GTF3C1: variants seen among roughly 807,000 people sequenced by gnomAD.
GTF3C1 encodes general transcription factor IIIC subunit 1.
A neutral mutation model predicts 226.7 loss-of-function variants in GTF3C1; 57 were observed. The ratio of observed to expected loss-of-function variants is 0.25; its 90% CI spans 0.20 to 0.31. GTF3C1 has a LOEUF of 0.31. GTF3C1 is among the 10% of genes least tolerant of loss of function. The probability of loss-of-function intolerance (pLI) is 1.00; values close to 1 mark genes in which losing one functional copy is unlikely to be tolerated. For missense variants in GTF3C1, 2,217 were observed against 2,776.1 expected, an observed-to-expected ratio of 0.80 and a Z score of 4.53; for synonymous variants, 1,090 against 1,084.8, an observed-to-expected ratio of 1.00 and a Z score of -0.09.
chr16:27,476,357 G>T (rs907337730), intron 29 of GTF3C1, 94 bp downstream of exon 29: 1 of 742,256 alleles, frequency 1.3e-6, no homozygotes. Context: ...CAGCCCAAGA[G>T]CCCACAGCGG....
At chr16:27,500,661 C>T (rs1032199258) in intron 12 of GTF3C1, among the ~76,000 whole-genome samples, 15 of 152,178 alleles carry the variant, frequency 9.9e-5, no homozygotes, top group Non-Finnish European at 1.5e-4. Context: ...TTAGAATGTC[C>T]GTGAAGCTGC....
chr16:27,474,591 TTTG>T (rs2087925812), intron 29 of GTF3C1, among the ~76,000 whole-genome samples: 1 of 152,166 alleles, frequency 6.6e-6, no homozygotes, highest in East Asian at 1.9e-4. Flanking sequence ...AAAAAAAAAT[TTTG>T]TTTTTTCCTT....
chr16:27,461,333 G>C lies in GTF3C1; in HGVS notation c.*17C>G. The stretch of plus-strand genomic sequence containing the variant: ...TGGCAGGCGGTGGCTGGGAGGGAGG[G>C]GACGCCCACAGGGGTCCTAGAGGTG... On this transcript the variant is annotated 3_prime_UTR_variant, in exon 37 of 37. Transcript: ENST00000356183. This position sits in a 1 kb window ranked among gnomAD's most constrained non-coding sequence, Gnocchi z 5.3. The C allele has an allele frequency of 2.0e-6, 3 of 1,537,242 alleles. No individual in the cohort carries two copies. Among genetic ancestry groups the C allele is most frequent in the Non-Finnish European group, 2.7e-6 (3 of 1,116,870 alleles).
chr16:27,487,203 T>C (rs1567393000), intron 23 of GTF3C1, among the ~76,000 whole-genome samples: 1 of 152,226 alleles, frequency 6.6e-6, no homozygotes, highest in African/African-American at 2.4e-5. Flanking sequence ...CTTACACATA[T>C]CTACGACAGG....
Position 27,470,158 on chromosome 16 carries a change from C to G in GTF3C1, c.4764G>C (p.Glu1588Asp). ...GLISVDVRIP[E>D]QIIVVDSSMV... ...TTGAGCTGTCTACCACGATGATCTG[C>G]TCCGGGATCCTGACATCCACAGAAA... Residue 1588 changes from glutamate (E) to aspartate (D), a missense_variant, in exon 31 of 37, where the codon GAG becomes GAC. Transcript: ENST00000356183. This position sits in a 1 kb window ranked among gnomAD's most constrained non-coding sequence, Gnocchi z 4.9. 1 of 1,614,064 alleles carries G rather than the reference C, an allele frequency of 6.2e-7. No homozygotes were observed. Among genetic ancestry groups the G allele is most frequent in the Non-Finnish European group, 8.5e-7 (1 of 1,179,912 alleles).
intron 11 of GTF3C1, among the ~76,000 whole-genome samples, chr16:27,502,103 A>AG (rs2088414229): frequency 6.7e-6 from 1 of 149,970 alleles, no homozygotes; most frequent in African/African-American, 2.5e-5. Flanking sequence ...CAAAAAAAAA[A>AG]AAAGAAAAGA....
At chr16:27,538,021 C>A (rs1266583041) in intron 3 of GTF3C1, 94 bp from the exon 4 acceptor site, 3 of 1,420,890 alleles carry the variant, frequency 2.1e-6, no homozygotes, top group Non-Finnish European at 2.9e-6. Context: ...GAGACACAAA[C>A]CTCCTGTCCA....
chr16:27,461,869 T>G lies in GTF3C1; in HGVS notation c.6118-307A>C, dbSNP rs2087710763. On this transcript the variant is annotated intron_variant, in intron 36 of 36. Transcript: ENST00000356183. This position sits in a 1 kb window ranked among gnomAD's most constrained non-coding sequence, Gnocchi z 5.3. ...CAGCTTCCTGTGAGCCAAGACTGGC[T>G]TCCAGGTGGGGTTTTGTTTGGCTCA... is the stretch of plus-strand genomic sequence containing the variant. 3 of 418,766 alleles carry G rather than the reference T, an allele frequency of 7.2e-6. No homozygotes were observed. In the South Asian group the frequency reaches 1.2e-4, roughly 17 times the overall value. The allele number at this position is 418,766 out of a possible 1,614,324, so 25.9% of individuals were successfully genotyped here. A position where few individuals can be genotyped will look rare whatever the true frequency, so the allele number is the denominator to read the frequency against.
rs748414532 is a variant in GTF3C1 at position 27,471,820 on chromosome 16, G to A, written c.4454C>T (p.Thr1485Met). 26 of 1,613,962 alleles carry A rather than the reference G, an allele frequency of 1.6e-5. No homozygotes were observed. In the Admixed American group the frequency reaches 3.5e-4, roughly 22 times the overall value. ...GGCCCGGTTCTTCTTGGGGCCCAGC[G>A]TGTGGTTGACCCGGCGCCGGTTGAC... ...SLVNRRRVNHTLGPKKNRALP... is the reference protein window; with the variant it reads ...SLVNRRRVNHMLGPKKNRALP... The change falls in exon 30 of 37, where the codon ACG becomes ATG. Residue 1485 changes from threonine (T) to methionine (M), a missense_variant. Physicochemically the swap from Thr to Met is moderately conservative, Grantham distance 81. This residue lies in a region of GTF3C1 where 546 missense variants were observed against 663.0 expected (regional missense o/e 0.82). Coordinates refer to ENST00000356183, the MANE Select transcript of GTF3C1 (RefSeq NM_001520.4). The surrounding 1 kb of genome is among the most constrained non-coding windows in gnomAD (Gnocchi z 5.0).
Position 27,488,434 on chromosome 16 carries a change from G to A in GTF3C1, c.3512-19C>T. On this transcript the variant is annotated intron_variant, in intron 22 of 36. Coordinates refer to ENST00000356183, the MANE Select transcript of GTF3C1 (RefSeq NM_001520.4). ...CTGTTGCCTAGACATAATCACAGGA[G>A]ACAACAGTTTCAGGACGAGTGCTGC... is the stretch of plus-strand genomic sequence containing the variant. The A allele has an allele frequency of 3.1e-6, 5 of 1,597,748 alleles. No homozygotes were observed. The highest frequency in any genetic ancestry group is 4.3e-6 in the Non-Finnish European group (5 of 1,165,414).
chr16:27,511,218 G>C (rs1431472476), intron 7 of GTF3C1, among the ~76,000 whole-genome samples: 1 of 152,214 alleles, frequency 6.6e-6, no homozygotes, highest in Non-Finnish European at 1.5e-5. Context: ...GGCCCAGACA[G>C]AACAAGAAGC....
intron 9 of GTF3C1, 150 bp downstream of exon 9, chr16:27,506,697 A>T (rs2088490328): frequency 1.7e-6 from 1 of 596,692 alleles, no homozygotes. Context: ...CTCCAAACCC[A>T]TGATGATGTG....
At chr16:27,480,931 T>C (rs1450182774) in intron 27 of GTF3C1, 148 bp downstream of exon 27, 3 of 644,366 alleles carry the variant, frequency 4.7e-6, no homozygotes, top group Non-Finnish European at 8.4e-6. Flanking sequence ...AAGTCACCCA[T>C]GAGAGGAGAG....
chr16:27,524,516 CT>C (rs781446357), intron 6 of GTF3C1, among the ~76,000 whole-genome samples: 5 of 152,194 alleles, frequency 3.3e-5, no homozygotes, highest in Non-Finnish European at 7.3e-5. Context: ...GGTCAAATCA[CT>C]TGCTGAAGGT....
At chr16:27,493,960 T>C (rs546505527) in intron 16 of GTF3C1, among the ~76,000 whole-genome samples, 1 of 151,942 alleles carries the variant, frequency 6.6e-6, no homozygotes, top group South Asian at 2.1e-4. Flanking sequence ...ATCACACACA[T>C]ACCCGTGTAC....
At chr16:27,531,724 G>C (rs904800864) in intron 5 of GTF3C1, among the ~76,000 whole-genome samples, 1 of 152,202 alleles carries the variant, frequency 6.6e-6, no homozygotes, top group African/African-American at 2.4e-5. Context: ...GACTAGCCCT[G>C]TCTCCCTGCC....
intron 6 of GTF3C1, among the ~76,000 whole-genome samples, chr16:27,512,642 T>C (rs1332554185): frequency 6.6e-6 from 1 of 152,214 alleles, no homozygotes; most frequent in African/African-American, 2.4e-5. Flanking sequence ...GTGATGCATC[T>C]ATATTGCAAC....
chr16:27,506,485 T>G (rs2088486932), intron 9 of GTF3C1, among the ~76,000 whole-genome samples: 1 of 152,146 alleles, frequency 6.6e-6, no homozygotes. Flanking sequence ...TTTGCAAATG[T>G]GTCATCAGCA....
rs770695770 is a variant in GTF3C1, at chr16:27,495,488, G to A, written c.2355C>T (p.Pro785=). 3.0e-5 allele frequency: 48 copies of A among 1,612,038 alleles called. No individual in the cohort carries two copies. The highest frequency in any genetic ancestry group is 6.7e-5 in the African/African-American group (5 of 74,880). Reference sequence around the variant, plus strand: ...GAAATCCTAGAGAACGCCCCAGTCCGGGAACTAAAGCAAGAGAGGGAGAGG... The same window carrying A: ...GAAATCCTAGAGAACGCCCCAGTCCAGGAACTAAAGCAAGAGAGGGAGAGG... ...PLRNYHPIVV[P]GLGRSLGFLP... is the part of the protein sequence containing the mutation. The change falls in exon 15 of 37, where the codon CCC becomes CCT. Residue 785 remains proline (P), a synonymous_variant. Coordinates refer to ENST00000356183, the MANE Select transcript of GTF3C1 (RefSeq NM_001520.4).
Sources: gnomAD v4.1 joint callset for allele counts (sites outside exome capture counted in the v4.1 genomes callset) on GRCh38, gnomAD v4.1.1 for gene constraint, gnomAD v4.1.1 regional missense constraint, Gnocchi (gnomAD v3.1) non-coding constraint, MANE v1.5 for transcripts, NCBI Gene and HGNC (gene_info 2026-07-23, HGNC 2026-07-21) for gene names.